Variants in SFPQ observed in about 807,000 individuals in gnomAD.
SFPQ encodes the protein splicing factor proline and glutamine rich.
Under a neutral mutation model 72.9 loss-of-function variants are expected in SFPQ, and 11 were observed. The ratio of observed to expected loss-of-function variants is 0.15; its 90% CI spans 0.09 to 0.25. The LOEUF is 0.25. Ranked by LOEUF, SFPQ falls within the 10% of genes least tolerant of loss-of-function variation. The pLI, the probability that SFPQ is intolerant of heterozygous loss-of-function variation, is 1.00. For missense variants in SFPQ, 847 were observed against 993.3 expected, an observed-to-expected ratio of 0.85 and a Z score of 1.98; for synonymous variants, 506 against 367.3, an observed-to-expected ratio of 1.38 and a Z score of -4.32.
At position 35,190,674 on chromosome 1, in the gene SFPQ, G is replaced by A; in HGVS notation, c.1319+20C>T. On this transcript the variant is annotated intron_variant, in intron 3 of 9. Transcript: ENST00000357214. ...TCATATAAGTTGATAGAAATTATTA[G>A]AATAAACAAGACAACTTACGTCGTC... 1 of 1,611,446 alleles carries A rather than the reference G, an allele frequency of 6.2e-7. No individual in the cohort carries two copies. Among genetic ancestry groups the A allele is most frequent in the Non-Finnish European group, 8.5e-7 (1 of 1,178,480 alleles).
chr1:35,180,609 C>G (rs923988817), downstream of SFPQ: 27 of 1,049,410 alleles, frequency 2.6e-5, no homozygotes, highest in Admixed American at 1.2e-3. Context: ...TTCATGAAGC[C>G]CATGTTTTTA....
intron 7 of SFPQ, 133 bp downstream of exon 7, chr1:35,187,840 A>G (rs1639798940): frequency 1.5e-6 from 1 of 668,112 alleles, no homozygotes; most frequent in Admixed American, 2.4e-5. Flanking sequence ...CAAGGAAATC[A>G]AACATAATAT....
chr1:35,192,312 C>A lies in SFPQ; in HGVS notation c.738G>T (p.Gln246His). ...GCTGCTGGTGGTAGGGCGGGTGGTGCTGGCGGCCCCCGCGGGGCTCCCCGC... is the reference window on the plus strand; with the variant it reads ...GCTGCTGGTGGTAGGGCGGGTGGTGATGGCGGCCCCCGCGGGGCTCCCCGC... ...RGGGEPRGGR[Q>H]HHPPYHQQHH... Residue 246 changes from glutamine to histidine, a missense_variant, in exon 1 of 10, where the codon CAG becomes CAT. This residue lies in a region of SFPQ where 498 missense variants were observed against 405.1 expected (regional missense o/e 1.23). Coordinates refer to ENST00000357214, the MANE Select transcript of SFPQ (RefSeq NM_005066.3). 1 of 1,436,014 alleles carries A rather than the reference C, an allele frequency of 7.0e-7. No homozygotes were observed. Among genetic ancestry groups the A allele is most frequent in the Non-Finnish European group, 9.0e-7 (1 of 1,106,272 alleles). 89.0% of individuals were successfully genotyped at this position (1,436,014 alleles called of 1,614,324 possible). A position where few individuals can be genotyped will look rare whatever the true frequency, so the allele number is the denominator to read the frequency against.
chr1:35,178,649 G>T, downstream of SFPQ: 5 of 1,056,364 alleles, frequency 4.7e-6, no homozygotes, highest in Non-Finnish European at 5.7e-6. Context: ...TTTTTTCTGA[G>T]GGAGAAGACA....
At chr1:35,191,106 AT>A in intron 2 of SFPQ, 111 bp from the exon 3 acceptor site, 1 of 1,032,038 alleles carries the variant, frequency 9.7e-7, no homozygotes, top group Non-Finnish European at 1.4e-6. Flanking sequence ...CAGTTCGACC[AT>A]TACCTTTAGG....
At chr1:35,185,965 G>C (rs912851850) in intron 9 of SFPQ, among the ~76,000 whole-genome samples, 1 of 151,988 alleles carries the variant, frequency 6.6e-6, no homozygotes, top group Non-Finnish European at 1.5e-5. Context: ...TCTGTCTTTA[G>C]GAAGAATATA....
chr1:35,181,661 T>G, downstream of SFPQ: 10 of 1,060,600 alleles, frequency 9.4e-6, no homozygotes, highest in Non-Finnish European at 1.1e-5. Flanking sequence ...TAAAACAAAA[T>G]TATGAGAAAG....
chr1:35,191,566 A>C (rs969708865), intron 1 of SFPQ, 37 bp from the exon 2 acceptor site: 2 of 1,512,732 alleles, frequency 1.3e-6, no homozygotes. Context: ...AACACCAGAG[A>C]CCTCTGCAAG....
chr1:35,178,234 C>T, downstream of SFPQ: 1 of 1,097,880 alleles, frequency 9.1e-7, no homozygotes, highest in Non-Finnish European at 1.1e-6. Context: ...TAAGTAGACA[C>T]CTGAATTAGA....
At chr1:35,179,569 T>C, downstream of SFPQ, 1 of 1,043,854 alleles carries the variant, frequency 9.6e-7, no homozygotes. Flanking sequence ...GCTTTTTGAG[T>C]TTTTTAAAAA....
At chr1:35,188,859 G>A (rs1235649724) in intron 6 of SFPQ, 144 bp downstream of exon 6, 2 of 658,866 alleles carry the variant, frequency 3.0e-6, no homozygotes, top group African/African-American at 1.8e-5. Flanking sequence ...TGATCGGGAG[G>A]CTGAGGCAAG....
intron 4 of SFPQ, among the ~76,000 whole-genome samples, chr1:35,190,008 C>T (rs1394173607): frequency 6.6e-6 from 1 of 151,874 alleles, no homozygotes; most frequent in East Asian, 1.9e-4. Flanking sequence ...ATGCCTGTAT[C>T]CCAGCACTTT....
At chr1:35,188,442 A>G (rs1639834126) in intron 6 of SFPQ, among the ~76,000 whole-genome samples, 1 of 152,192 alleles carries the variant, frequency 6.6e-6, no homozygotes. Flanking sequence ...TCATGCCTGT[A>G]ATCTCAGTAC....
At position 35,192,247 on chromosome 1, in the gene SFPQ, C is replaced by T; in HGVS notation, c.803G>A (p.Ser268Asn). The change falls in exon 1 of 10, where the codon AGC (serine) becomes AAC (asparagine). Residue 268 changes from serine (S) to asparagine (N), a missense_variant. Physicochemically the swap from Ser to Asn is conservative, Grantham distance 46. Transcript: ENST00000357214. ...GPPPGGPGGRSEEKISDSEGF... is the reference protein window; with the variant it reads ...GPPPGGPGGRNEEKISDSEGF... Reference sequence around the variant, plus strand: ...CTCCGAGTCCGAGATCTTCTCCTCGCTGCGGCCGCCGGGCCCGCCGGGCGG... The same window carrying T: ...CTCCGAGTCCGAGATCTTCTCCTCGTTGCGGCCGCCGGGCCCGCCGGGCGG... 4 of 1,463,408 alleles carry T rather than the reference C, an allele frequency of 2.7e-6. No homozygotes were observed. The highest frequency in any genetic ancestry group is 2.7e-6 in the Non-Finnish European group (3 of 1,115,144). 90.7% of individuals were successfully genotyped at this position (1,463,408 alleles called of 1,614,324 possible).
chr1:35,182,410 G>A, downstream of SFPQ: 1 of 985,270 alleles, frequency 1.0e-6, no homozygotes, highest in Non-Finnish European at 1.2e-6. Flanking sequence ...CGAGTGTGCT[G>A]GTGAATGATA....
intron 6 of SFPQ, 75 bp from the exon 7 acceptor site, chr1:35,188,165 G>A: frequency 4.4e-6 from 5 of 1,123,888 alleles, no homozygotes; most frequent in South Asian, 2.5e-5. Flanking sequence ...AAACCTAGCA[G>A]TTGACCTAAG....
rs746609737 is a variant in SFPQ at position 35,189,123 on chromosome 1, A to C, written c.1613-36T>G. 8 of 1,613,280 alleles carry C rather than the reference A, an allele frequency of 5.0e-6. No homozygotes were observed. The Admixed American group carries it at 1.3e-4, about 27-fold the overall frequency. On this transcript the variant is annotated intron_variant, in intron 5 of 9. Coordinates refer to ENST00000357214, the MANE Select transcript of SFPQ (RefSeq NM_005066.3). The stretch of plus-strand genomic sequence containing the variant: ...GAAAATATTTGGATTCACATTAACA[A>C]GGTTCTAATAAGGTGAAAAACAATT...
At chr1:35,180,283 T>C (rs1437934514), downstream of SFPQ, 1 of 1,049,618 alleles carries the variant, frequency 9.5e-7, no homozygotes, top group Non-Finnish European at 1.2e-6. Context: ...CAACAGTTGA[T>C]GCAAAGTCCT....
At chr1:35,180,487 T>C (rs879122499), downstream of SFPQ, 40 of 1,050,406 alleles carry the variant, frequency 3.8e-5, no homozygotes, top group Admixed American at 1.6e-4. Flanking sequence ...CAAGTCAATG[T>C]TCCACACCAC....
Sources: gnomAD v4.1 joint callset for allele counts (sites outside exome capture counted in the v4.1 genomes callset) on GRCh38, gnomAD v4.1.1 for gene constraint, gnomAD v4.1.1 regional missense constraint, MANE v1.5 for transcripts, NCBI Gene and HGNC (gene_info 2026-07-23, HGNC 2026-07-21) for gene names.